GMDS: variants seen among roughly 807,000 people sequenced by gnomAD.
The protein encoded by GMDS is GDP-mannose 4,6 dehydratase.
A neutral mutation model predicts 49.9 loss-of-function variants in GMDS; 20 were observed. That is an observed-to-expected ratio of 0.40 (90% CI 0.28 to 0.58). The LOEUF is 0.58. Ranked by LOEUF, GMDS falls within the 20% of genes least tolerant of loss-of-function variation. The pLI, the probability that GMDS is intolerant of heterozygous loss-of-function variation, is 0.42. For synonymous variants in GMDS, 177 were observed against 178.6 expected (o/e 0.99, Z 0.07); for missense variants, 362 against 481.4 (o/e 0.75, Z 2.32).
intron 7 of GMDS, among the ~76,000 whole-genome samples, chr6:1,925,411 T>C (rs1761946197): frequency 1.3e-5 from 2 of 152,138 alleles, no homozygotes; most frequent in South Asian, 4.1e-4. Context: ...ATTGTGAAAA[T>C]TTTTACAAGT....
chr6:1,795,985 C>T (rs1023721466), intron 7 of GMDS, among the ~76,000 whole-genome samples: 5 of 152,184 alleles, frequency 3.3e-5, no homozygotes, highest in Non-Finnish European at 7.3e-5. Context: ...CTACAAACTC[C>T]ACCAAATTAG....
chr6:2,118,795 C>CA (rs1272754102), intron 2 of GMDS, among the ~76,000 whole-genome samples: 8 of 152,114 alleles, frequency 5.3e-5, no homozygotes. Context: ...TTTTAGGAGG[C>CA]AAACATTCAA....
chr6:2,171,660 C>CA (rs1778011941), intron 1 of GMDS, among the ~76,000 whole-genome samples: 1 of 151,928 alleles, frequency 6.6e-6, no homozygotes, highest in Non-Finnish European at 1.5e-5. Context: ...GCACAGGGAA[C>CA]AAAAAATGAG....
intron 9 of GMDS, among the ~76,000 whole-genome samples, chr6:1,707,669 C>T (rs1283518126): frequency 1.3e-5 from 2 of 152,126 alleles, no homozygotes; most frequent in South Asian, 2.1e-4. Flanking sequence ...TTCCTCCTCC[C>T]AGGCAGCCTG....
At chr6:2,100,516 A>C (rs1773859923) in intron 4 of GMDS, among the ~76,000 whole-genome samples, 1 of 152,074 alleles carries the variant, frequency 6.6e-6, no homozygotes, top group African/African-American at 2.4e-5. Context: ...GCTGTACTAG[A>C]AAGGTCTAAC....
chr6:1,834,583 C>T (rs1338296639), intron 7 of GMDS, among the ~76,000 whole-genome samples: 1 of 152,118 alleles, frequency 6.6e-6, no homozygotes, highest in Non-Finnish European at 1.5e-5. Flanking sequence ...AAGCTTTTAA[C>T]ATACTTCTAA....
chr6:1,786,024 G>A (rs542031581), intron 7 of GMDS, among the ~76,000 whole-genome samples: 9 of 152,258 alleles, frequency 5.9e-5, no homozygotes, highest in Non-Finnish European at 8.8e-5. Context: ...ATATGACAGC[G>A]GTAAAGGAAA....
intron 7 of GMDS, among the ~76,000 whole-genome samples, chr6:1,852,948 C>T (rs189356551): frequency 1.6e-4 from 25 of 152,012 alleles, no homozygotes; most frequent in South Asian, 6.2e-4. Flanking sequence ...TCAGGTGATC[C>T]GCCTCAGCCT....
At chr6:1,775,629 G>A (rs722585) in intron 7 of GMDS, among the ~76,000 whole-genome samples, 39,043 of 152,080 alleles carry the variant, frequency 0.26, 5,685 homozygotes, top group South Asian at 0.43. Flanking sequence ...ATTTGCAGCT[G>A]GCCTGATGCC....
chr6:2,153,450 T>G (rs1288437506), intron 1 of GMDS, among the ~76,000 whole-genome samples: 1 of 152,026 alleles, frequency 6.6e-6, no homozygotes, highest in Non-Finnish European at 1.5e-5. Context: ...CAAAAAGAAC[T>G]AATGTCCAAA....
chr6:2,202,435 ATTT>A (rs1327810656), intron 1 of GMDS, among the ~76,000 whole-genome samples: 1 of 31,154 alleles, frequency 3.2e-5, no homozygotes, highest in African/African-American at 6.6e-5. Flanking sequence ...ATTTCTTTCT[ATTT>A]TTTTTTTTTT....
In GMDS at chr6:1,766,997, C is replaced by T. The variant is rs1328426898; in HGVS notation, c.772-24411G>A. On this transcript the variant is annotated intron_variant, in intron 7 of 10. Transcript: ENST00000380815. The surrounding 1 kb of genome is among the most constrained non-coding windows in gnomAD (Gnocchi z 4.5). ...CCCAAACCTTCCTCTCACACCACAGCTGTAGGGCACACTGAACTTTATTCT... is the reference window on the plus strand; with the variant it reads ...CCCAAACCTTCCTCTCACACCACAGTTGTAGGGCACACTGAACTTTATTCT... Among the ~76,000 whole-genome samples, 1 of 152,200 alleles carries T rather than the reference C, an allele frequency of 6.6e-6. No individual in the cohort carries two copies. Among genetic ancestry groups the T allele is most frequent in the East Asian group, 1.9e-4 (1 of 5,194 alleles).
chr6:1,935,352 A>C (rs1308036600), intron 6 of GMDS, among the ~76,000 whole-genome samples: 1 of 152,246 alleles, frequency 6.6e-6, no homozygotes, highest in African/African-American at 2.4e-5. Context: ...TGTTTGTAAA[A>C]TAAGGATAGT....
chr6:1,988,321 G>C (rs140337563), intron 4 of GMDS, among the ~76,000 whole-genome samples: 2 of 150,386 alleles, frequency 1.3e-5, no homozygotes, highest in Admixed American at 6.7e-5. Flanking sequence ...ATAAGCCTAC[G>C]TGATTCAGGC....
At chr6:1,858,256 T>C (rs1314119014) in intron 7 of GMDS, among the ~76,000 whole-genome samples, 1 of 152,210 alleles carries the variant, frequency 6.6e-6, no homozygotes, top group African/African-American at 2.4e-5. Context: ...CCTCATTTCT[T>C]GCAAAGTAAG....
intron 1 of GMDS, among the ~76,000 whole-genome samples, chr6:2,194,561 C>T (rs1489726153): frequency 2.6e-5 from 4 of 152,190 alleles, no homozygotes; most frequent in Non-Finnish European, 5.9e-5. Flanking sequence ...TGTTTCACAT[C>T]TCTAATTTCT....
intron 8 of GMDS, among the ~76,000 whole-genome samples, chr6:1,727,307 T>G (rs1052549001): frequency 6.6e-6 from 1 of 152,214 alleles, no homozygotes; most frequent in African/African-American, 2.4e-5. Flanking sequence ...ACCTTCTCGC[T>G]AAAATTCTAC....
chr6:1,689,520 G>C (rs1307066735), intron 9 of GMDS, among the ~76,000 whole-genome samples: 4 of 152,220 alleles, frequency 2.6e-5, no homozygotes, highest in Non-Finnish European at 5.9e-5. Context: ...CTTTGAATCA[G>C]ATACATTTGT....
intron 7 of GMDS, among the ~76,000 whole-genome samples, chr6:1,927,973 T>C (rs1762106108): frequency 6.6e-6 from 1 of 152,230 alleles, no homozygotes; most frequent in Non-Finnish European, 1.5e-5. Flanking sequence ...CAAAATCTAT[T>C]AGATTTCCGA....
Sources: gnomAD v4.1 joint callset for allele counts (sites outside exome capture counted in the v4.1 genomes callset) on GRCh38, gnomAD v4.1.1 for gene constraint, Gnocchi (gnomAD v3.1) non-coding constraint, MANE v1.5 for transcripts, NCBI Gene and HGNC (gene_info 2026-07-23, HGNC 2026-07-21) for gene names.